Variants in CACUL1 observed in about 807,000 individuals in gnomAD.
CACUL1 encodes CDK2-associated and cullin domain-containing protein 1.
A neutral mutation model predicts 45.2 loss-of-function variants in CACUL1; 13 were observed. The ratio of observed to expected loss-of-function variants is 0.29; its 90% CI spans 0.19 to 0.46. The LOEUF is 0.46. Ranked by LOEUF, CACUL1 falls within the 20% of genes least tolerant of loss-of-function variation. CACUL1 has a pLI of 1.00. For synonymous variants in CACUL1, 197 were observed against 174.2 expected (o/e 1.13, Z -1.03); for missense variants, 421 against 471.4 (o/e 0.89, Z 0.99).
chr10:118,683,803 C>T lies in CACUL1; in HGVS notation c.*2325G>A, dbSNP rs1845179461. 6.6e-6 allele frequency: 1 copy of T among 152,198 alleles called. No homozygotes were observed. The highest frequency in any genetic ancestry group is 6.5e-5 in the Admixed American group (1 of 15,284). The allele number at this position is 152,198 out of a possible 1,614,324, so 9.4% of individuals were successfully genotyped here. On this transcript the variant is annotated 3_prime_UTR_variant, in exon 9 of 9. Transcript: ENST00000369151. ...TTTCCTCTCATACTGCAAACTCACTCAGAATTTTTTAGAATCCCAATAAAT... is the reference window on the plus strand; with the variant it reads ...TTTCCTCTCATACTGCAAACTCACTTAGAATTTTTTAGAATCCCAATAAAT...
intron 1 of CACUL1, among the ~76,000 whole-genome samples, chr10:118,748,802 G>A (rs1441099345): frequency 6.6e-6 from 1 of 152,142 alleles, no homozygotes; most frequent in Non-Finnish European, 1.5e-5. Context: ...TTAAGTATTA[G>A]TAGGGTAAAA....
At chr10:118,738,439 G>C (rs1025002312) in intron 1 of CACUL1, among the ~76,000 whole-genome samples, 2 of 151,980 alleles carry the variant, frequency 1.3e-5, no homozygotes, top group African/African-American at 4.8e-5. Flanking sequence ...AGAATGCTAC[G>C]CGCCAGGAAA....
rs1450936468 is a variant in CACUL1 at position 118,679,383 on chromosome 10, A to G, written c.*6745T>C. ...CCTAATTTTTTTTTAATTTATTTTTATTTTTTATTTTTTGTAGAGACAGGG... is the reference window on the plus strand; with the variant it reads ...CCTAATTTTTTTTTAATTTATTTTTGTTTTTTATTTTTTGTAGAGACAGGG... On this transcript the variant is annotated 3_prime_UTR_variant, in exon 9 of 9. Coordinates refer to ENST00000369151, the MANE Select transcript of CACUL1 (RefSeq NM_153810.5). The G allele has an allele frequency of 1.3e-5, 2 of 150,646 alleles. No homozygotes were observed. The highest frequency in any genetic ancestry group is 3.0e-5 in the Non-Finnish European group (2 of 67,716). 9.3% of individuals were successfully genotyped at this position (150,646 alleles called of 1,614,324 possible).
intron 3 of CACUL1, among the ~76,000 whole-genome samples, chr10:118,721,157 T>TA (rs1159746893): frequency 3.3e-5 from 5 of 152,114 alleles, no homozygotes; most frequent in African/African-American, 4.8e-5. Flanking sequence ...TTAAAACACA[T>TA]AAAAAATTTC....
At chr10:118,750,308 G>T (rs985009478) in intron 1 of CACUL1, among the ~76,000 whole-genome samples, 1 of 151,148 alleles carries the variant, frequency 6.6e-6, no homozygotes, top group East Asian at 1.9e-4. Context: ...CCTGGCGACA[G>T]AGCGAGACTG....
At chr10:118,738,329 C>G (rs1006652460) in intron 1 of CACUL1, among the ~76,000 whole-genome samples, 4 of 152,178 alleles carry the variant, frequency 2.6e-5, no homozygotes, top group Non-Finnish European at 4.4e-5. Context: ...TAGAAACATT[C>G]AGGGCAGGAC....
At chr10:118,727,348 T>G (rs1336784038) in intron 3 of CACUL1, among the ~76,000 whole-genome samples, 2 of 150,894 alleles carry the variant, frequency 1.3e-5, no homozygotes, top group Admixed American at 6.6e-5. Context: ...AAGCCATGAT[T>G]GTACCACTGC....
intron 3 of CACUL1, among the ~76,000 whole-genome samples, chr10:118,715,075 A>T (rs1175033728): frequency 6.6e-6 from 1 of 152,274 alleles, no homozygotes. Flanking sequence ...TATAGATGTT[A>T]TAGACAATAA....
intron 6 of CACUL1, 83 bp from the exon 7 acceptor site, chr10:118,691,486 T>C: frequency 7.6e-7 from 1 of 1,315,088 alleles, no homozygotes; most frequent in Non-Finnish European, 1.1e-6. Context: ...TCTTTTAAAA[T>C]ATATAGTAAG....
At chr10:118,694,014 G>A (rs1026549911) in intron 6 of CACUL1, among the ~76,000 whole-genome samples, 13 of 152,072 alleles carry the variant, frequency 8.5e-5, no homozygotes, top group African/African-American at 2.7e-4. Context: ...ACAGGCGCCC[G>A]CCACCATACC....
rs1210145491 is a variant in CACUL1 at position 118,678,496 on chromosome 10, G to A, written c.*7632C>T. ...TCCATTTATATCGACGAATCAAATT[G>A]TCAGGTTCCACAGTGAAAATCATTG... On this transcript the variant is annotated 3_prime_UTR_variant, in exon 9 of 9. Transcript: ENST00000369151. The A allele has an allele frequency of 1.3e-5, 2 of 152,098 alleles. No homozygotes were observed. The highest frequency in any genetic ancestry group is 4.8e-5 in the African/African-American group (2 of 41,400). 9.4% of individuals were successfully genotyped at this position (152,098 alleles called of 1,614,324 possible). A position where few individuals can be genotyped will look rare whatever the true frequency, so the allele number is the denominator to read the frequency against.
chr10:118,687,202 G>C (rs892126028), intron 7 of CACUL1, among the ~76,000 whole-genome samples: 1 of 152,040 alleles, frequency 6.6e-6, no homozygotes, highest in African/African-American at 2.4e-5. Flanking sequence ...TTCTCCACGT[G>C]TAGTCCAGGA....
chr10:118,751,569 T>C (rs1589622506), intron 1 of CACUL1, among the ~76,000 whole-genome samples: 1 of 152,172 alleles, frequency 6.6e-6, no homozygotes, highest in Non-Finnish European at 1.5e-5. Flanking sequence ...GGTCTATTTT[T>C]CTGTTCTCGC....
chr10:118,716,985 C>T (rs11198577), intron 3 of CACUL1, among the ~76,000 whole-genome samples: 1,723 of 152,284 alleles, frequency 0.011, 18 homozygotes, highest in Middle Eastern at 0.027. Flanking sequence ...CATTTCCATA[C>T]GCCAGTGGAC....
intron 1 of CACUL1, among the ~76,000 whole-genome samples, chr10:118,751,808 C>T (rs1845900925): frequency 6.6e-6 from 1 of 152,260 alleles, no homozygotes; most frequent in African/African-American, 2.4e-5. Flanking sequence ...GTAATTTGAT[C>T]CAAGAGCAAG....
intron 4 of CACUL1, among the ~76,000 whole-genome samples, chr10:118,702,142 G>C (rs901030374): frequency 6.6e-6 from 1 of 152,134 alleles, no homozygotes; most frequent in Non-Finnish European, 1.5e-5. Context: ...CGGAGCTCCT[G>C]GGCCGAGCAC....
At position 118,754,961 on chromosome 10, in the gene CACUL1, C is replaced by T. The variant is rs1845943786; in HGVS notation, c.-199G>A. 1.6e-6 allele frequency: 1 copy of T among 620,034 alleles called. No homozygotes were observed. The highest frequency in any genetic ancestry group is 2.0e-5 in the African/African-American group (1 of 51,202). 38.4% of individuals were successfully genotyped at this position (620,034 alleles called of 1,614,324 possible). On this transcript the variant is annotated 5_prime_UTR_variant, in exon 1 of 9. Transcript: ENST00000369151. ...GACGCGGCTGACGGCGGTGGGCGCT[C>T]CGGGGCTCTAGTCTGGGAGAGGCAG...
In CACUL1 at chr10:118,730,264, C is replaced by T. The variant is rs1414144669; in HGVS notation, c.494+20G>A. On this transcript the variant is annotated intron_variant, in intron 2 of 8. Coordinates refer to ENST00000369151, the MANE Select transcript of CACUL1 (RefSeq NM_153810.5). ...CTTAGTATACCCTTTCAAACCCAAGCAAATTAAATCTTAACTTACCTGTAT... is the reference window on the plus strand; with the variant it reads ...CTTAGTATACCCTTTCAAACCCAAGTAAATTAAATCTTAACTTACCTGTAT... 6.2e-7 allele frequency: 1 copy of T among 1,612,574 alleles called. No individual in the cohort carries two copies. Among genetic ancestry groups the T allele is most frequent in the South Asian group, 1.1e-5 (1 of 90,998 alleles).
intron 3 of CACUL1, among the ~76,000 whole-genome samples, chr10:118,719,583 G>A (rs941355584): frequency 6.6e-6 from 1 of 152,122 alleles, no homozygotes; most frequent in South Asian, 2.1e-4. Context: ...AAGCCAAGGC[G>A]GGCAGATTAC....
Sources: allele counts gnomAD v4.1 joint callset (sites outside exome capture counted in the v4.1 genomes callset), GRCh38; gene constraint gnomAD v4.1.1; transcripts MANE v1.5; gene names NCBI Gene and HGNC (gene_info 2026-07-23, HGNC 2026-07-21).